The following KLHL5 variants were observed in gnomAD, a reference collection of about 807,000 sequenced individuals.
KLHL5 encodes the protein kelch-like protein 5.
KLHL5 carries 48 observed loss-of-function variants against 77.7 expected under a neutral mutation model. That is an observed-to-expected ratio of 0.62 (90% CI 0.49 to 0.79). The LOEUF is 0.79. Among genes scored for constraint, KLHL5 ranks in the 30% least tolerant of loss-of-function variants. The pLI, the probability that KLHL5 is intolerant of heterozygous loss-of-function variation, is 0.00. For synonymous variants in KLHL5, 260 were observed against 297.0 expected (o/e 0.88, Z 1.28); for missense variants, 723 against 859.7 (o/e 0.84, Z 1.99).
intron 4 of KLHL5, among the ~76,000 whole-genome samples, chr4:39,084,400 T>G (rs1393998579): frequency 6.6e-6 from 1 of 152,246 alleles, no homozygotes; most frequent in African/African-American, 2.4e-5. Context: ...ATTACAACTA[T>G]TTAATGTCAT....
At chr4:39,126,928 A>G (rs1233245296), downstream of KLHL5, 3 of 360,158 alleles carry the variant, frequency 8.3e-6, no homozygotes, top group Admixed American at 3.7e-5. Context: ...ACCCTTGCTG[A>G]CGTCAAGGCA....
At chr4:39,054,928 T>G (rs1479830831) in intron 1 of KLHL5, among the ~76,000 whole-genome samples, 2 of 152,232 alleles carry the variant, frequency 1.3e-5, no homozygotes, top group Non-Finnish European at 2.9e-5. Flanking sequence ...AAACCTGTTT[T>G]TAACAGTTAT....
chr4:39,085,269 A>AT (rs1719941843), intron 4 of KLHL5, among the ~76,000 whole-genome samples: 1 of 152,204 alleles, frequency 6.6e-6, no homozygotes, highest in Non-Finnish European at 1.5e-5. Flanking sequence ...AAATTCATTA[A>AT]TTATTCATGA....
intron 5 of KLHL5, among the ~76,000 whole-genome samples, chr4:39,095,882 G>A (rs1721020083): frequency 6.6e-6 from 1 of 151,482 alleles, no homozygotes; most frequent in Non-Finnish European, 1.5e-5. Flanking sequence ...ATTTATATAT[G>A]TTATACATAT....
At chr4:39,089,726 A>G (rs1202660682) in intron 5 of KLHL5, among the ~76,000 whole-genome samples, 1 of 152,208 alleles carries the variant, frequency 6.6e-6, no homozygotes, top group African/African-American at 2.4e-5. Flanking sequence ...GATCAGCACT[A>G]CTGGGGAACT....
intron 9 of KLHL5, among the ~76,000 whole-genome samples, chr4:39,113,940 G>A (rs1722646308): frequency 1.3e-5 from 2 of 152,198 alleles, no homozygotes; most frequent in Non-Finnish European, 1.5e-5. Context: ...AAGAAAAATA[G>A]GAAGTTAATG....
chr4:39,075,061 G>C (rs1438796705), intron 1 of KLHL5, among the ~76,000 whole-genome samples: 1 of 152,114 alleles, frequency 6.6e-6, no homozygotes, highest in African/African-American at 2.4e-5. Flanking sequence ...GGTGGGTGCG[G>C]TGGCTCACAC....
intron 7 of KLHL5, among the ~76,000 whole-genome samples, chr4:39,104,382 A>G (rs1371987851): frequency 6.6e-6 from 1 of 152,228 alleles, no homozygotes; most frequent in Non-Finnish European, 1.5e-5. Context: ...TGAGTTAAGC[A>G]TGAATGAGAC....
upstream of KLHL5, among the ~76,000 whole-genome samples, chr4:39,060,741 A>T (rs1340595916): frequency 6.6e-6 from 1 of 152,178 alleles, no homozygotes; most frequent in African/African-American, 2.4e-5. Flanking sequence ...AAGGATGTTG[A>T]TCAGAAGGAG....
At chr4:39,095,477 A>G (rs191640686) in intron 5 of KLHL5, among the ~76,000 whole-genome samples, 6 of 152,232 alleles carry the variant, frequency 3.9e-5, no homozygotes, top group African/African-American at 1.4e-4. Context: ...ATACATATAT[A>G]CTTTGACCCA....
intron 1 of KLHL5, chr4:39,063,438 T>TAAA (rs1717610570): frequency 1.1e-5 from 3 of 273,896 alleles, no homozygotes; most frequent in Non-Finnish European, 1.5e-5. Context: ...GATGATAGAG[T>TAAA]CATTTTTTAA....
downstream of KLHL5, chr4:39,126,948 G>T (rs191663982): frequency 1.2e-4 from 41 of 353,812 alleles, no homozygotes; most frequent in African/African-American, 8.5e-4. Flanking sequence ...ACCAAAATGT[G>T]TACAAATGTA....
intron 6 of KLHL5, among the ~76,000 whole-genome samples, chr4:39,100,739 T>G (rs936564853): frequency 3.3e-5 from 5 of 152,308 alleles, no homozygotes; most frequent in African/African-American, 1.2e-4. Context: ...TGCAAATGCC[T>G]CATTTAAGAC....
In KLHL5 at chr4:39,062,456, A is replaced by G. The variant is rs1717503038; in HGVS notation, c.-197A>G. 8.4e-6 allele frequency: 13 copies of G among 1,551,586 alleles called. No individual in the cohort carries two copies. The highest frequency in any genetic ancestry group is 3.8e-5 in the South Asian group (3 of 78,956). On this transcript the variant is annotated 5_prime_UTR_variant, in exon 1 of 11. Coordinates refer to ENST00000504108, the MANE Select transcript of KLHL5 (RefSeq NM_015990.5). Reference sequence around the variant, plus strand: ...GTTCCACCGTGTTTCATCTTTATTCATTATCCTTTGTTCTTTAAAATCTGA... The same window carrying G: ...GTTCCACCGTGTTTCATCTTTATTCGTTATCCTTTGTTCTTTAAAATCTGA...
intron 7 of KLHL5, among the ~76,000 whole-genome samples, chr4:39,105,582 A>G (rs931079966): frequency 6.6e-6 from 1 of 151,566 alleles, no homozygotes; most frequent in Non-Finnish European, 1.5e-5. Flanking sequence ...TATCATAAAC[A>G]TGTATATACA....
At position 39,107,732 on chromosome 4, in the gene KLHL5, G is replaced by A. The variant is rs1201856256; in HGVS notation, c.1688+1G>A. On this transcript the variant is annotated splice_donor_variant, in intron 8 of 10. Coordinates refer to ENST00000504108, the MANE Select transcript of KLHL5 (RefSeq NM_015990.5). LOFTEE classifies it high-confidence loss of function. ...TAGGTGTGGCAGTACTAAGTGGAAAGTAAGGAAATATTTAAAGTTCCATTT... is the reference window on the plus strand; with the variant it reads ...TAGGTGTGGCAGTACTAAGTGGAAAATAAGGAAATATTTAAAGTTCCATTT... 6.3e-7 allele frequency: 1 copy of A among 1,578,438 alleles called. No individual in the cohort carries two copies. Among genetic ancestry groups the A allele is most frequent in the Non-Finnish European group, 8.6e-7 (1 of 1,156,508 alleles).
rs1161859499 is a variant in KLHL5, at chr4:39,086,649, C to T, written c.1035C>T (p.Val345=). 6.2e-7 allele frequency: 1 copy of T among 1,613,782 alleles called. No homozygotes were observed. Among genetic ancestry groups the T allele is most frequent in the Non-Finnish European group, 8.5e-7 (1 of 1,179,948 alleles). ...ETILNALLTW[V]RHDLEQRRKD... ...TATTGAATGCACTTCTTACTTGGGT[C>T]CGTCATGATTTGGAACAGAGACGGA... Residue 345 remains valine, a synonymous_variant, in exon 5 of 11, where the codon GTC becomes GTT. Coordinates refer to ENST00000504108, the MANE Select transcript of KLHL5 (RefSeq NM_015990.5).
At chr4:39,140,255 G>A in the KLHL5 span, among the ~76,000 whole-genome samples, 1 of 152,038 alleles carries the variant, frequency 6.6e-6, no homozygotes, top group Non-Finnish European at 1.5e-5. Context: ...AAACATGACA[G>A]CTACAAGCAG....
chr4:39,105,618 AT>A lies in KLHL5; in HGVS notation c.1526-1947del, dbSNP rs1404064741. ...GTATGTGTATATATTATATATGTATATTTTAATGTGTATTTATATGTTTATA... is the reference window on the plus strand; with the variant it reads ...GTATGTGTATATATTATATATGTATATTTAATGTGTATTTATATGTTTATA... On this transcript the variant is annotated intron_variant, in intron 7 of 10. Transcript: ENST00000504108. Among the ~76,000 whole-genome samples the A allele has an allele frequency of 2.0e-5, 3 of 151,290 alleles. No individual in the cohort carries two copies. In the South Asian group the frequency reaches 6.2e-4, roughly 31 times the overall value.
Sources: allele counts gnomAD v4.1 joint callset (sites outside exome capture counted in the v4.1 genomes callset), GRCh38; gene constraint gnomAD v4.1.1; transcripts MANE v1.5; gene names NCBI Gene and HGNC (gene_info 2026-07-23, HGNC 2026-07-21).